Variants in DTNA observed in about 807,000 individuals in gnomAD.
The protein encoded by DTNA is dystrophin-related protein 3.
In DTNA, 43 loss-of-function variants were observed where a neutral mutation model predicts 100.7. The observed-to-expected ratio is 0.43, with a 90% CI of 0.33 to 0.55. The LOEUF (loss-of-function observed/expected upper bound fraction) is 0.55. Ranked by LOEUF, DTNA falls within the 20% of genes least tolerant of loss-of-function variation. The pLI, the probability that DTNA is intolerant of heterozygous loss-of-function variation, is 0.04. For missense variants in DTNA, 798 were observed against 953.9 expected (o/e 0.84, Z 2.15); for synonymous variants, 349 against 347.9 (o/e 1.00, Z -0.04).
At chr18:34,695,623 G>A (rs2080423702) in intron 1 of DTNA, among the ~76,000 whole-genome samples, 1 of 152,152 alleles carries the variant, frequency 6.6e-6, no homozygotes, top group Admixed American at 6.5e-5. Context: ...TTTCTAATGG[G>A]CTGGTGAAAC....
chr18:34,648,634 G>T (rs1443686011), intron 1 of DTNA, among the ~76,000 whole-genome samples: 1 of 152,220 alleles, frequency 6.6e-6, no homozygotes, highest in African/African-American at 2.4e-5. Context: ...TTTCAAGACA[G>T]TTAGTGTTGC....
intron 1 of DTNA, among the ~76,000 whole-genome samples, chr18:34,604,802 A>C (rs554019300): frequency 1.3e-5 from 2 of 152,266 alleles, no homozygotes; most frequent in East Asian, 1.9e-4. Context: ...TTTTCATTGC[A>C]CAAGAGTAAA....
At chr18:34,575,702 C>A (rs9304135) in intron 1 of DTNA, among the ~76,000 whole-genome samples, 15,583 of 152,112 alleles carry the variant, frequency 0.1, 1,172 homozygotes, top group African/African-American at 0.2. Context: ...CAAGATTATT[C>A]TGGTTTAGCT....
intron 6 of DTNA, 112 bp downstream of exon 6, chr18:34,812,225 C>A (rs1379328259): frequency 6.1e-6 from 9 of 1,466,878 alleles, no homozygotes; most frequent in Non-Finnish European, 8.4e-6. Flanking sequence ...GTGATAGCAA[C>A]CTGTATTGTA....
At chr18:34,499,004 G>C (rs1031352348) in intron 1 of DTNA, among the ~76,000 whole-genome samples, 2 of 152,118 alleles carry the variant, frequency 1.3e-5, no homozygotes, top group African/African-American at 4.8e-5. Flanking sequence ...TTCCCCAGTG[G>C]TAAATTCTTG....
chr18:34,727,604 A>G (rs1371469071), intron 1 of DTNA, among the ~76,000 whole-genome samples: 1 of 152,032 alleles, frequency 6.6e-6, no homozygotes, highest in African/African-American at 2.4e-5. Flanking sequence ...TGCTTTTGTC[A>G]CCCAGGCTGG....
intron 21 of DTNA, 58 bp from the exon 22 acceptor site, chr18:34,884,670 G>T: frequency 1.3e-6 from 2 of 1,584,808 alleles, no homozygotes; most frequent in South Asian, 2.2e-5. Flanking sequence ...TCACCAGCTT[G>T]ACTGCATCAC....
intron 1 of DTNA, among the ~76,000 whole-genome samples, chr18:34,690,408 C>T (rs2079579564): frequency 6.6e-6 from 1 of 152,214 alleles, no homozygotes; most frequent in African/African-American, 2.4e-5. Context: ...ACCTCTTGCG[C>T]TTCCCGGGTG....
intron 21 of DTNA, among the ~76,000 whole-genome samples, chr18:34,884,369 G>A (rs1480872534): frequency 6.6e-6 from 1 of 152,064 alleles, no homozygotes; most frequent in East Asian, 1.9e-4. Context: ...TTCTACTAAT[G>A]ACTTAAGATT....
intron 3 of DTNA, among the ~76,000 whole-genome samples, chr18:34,781,392 T>C (rs2094314467): frequency 6.6e-6 from 1 of 152,224 alleles, no homozygotes; most frequent in Non-Finnish European, 1.5e-5. Flanking sequence ...TTCTTTGTGA[T>C]TAGAGCATTT....
intron 1 of DTNA, among the ~76,000 whole-genome samples, chr18:34,634,450 AAGAC>A (rs1002293173): frequency 2.6e-5 from 4 of 152,178 alleles, no homozygotes; most frequent in African/African-American, 7.2e-5. Flanking sequence ...TTTAGTAAGA[AAGAC>A]AGCATGTTTT....
intron 3 of DTNA, among the ~76,000 whole-genome samples, chr18:34,778,729 C>T (rs1023863988): frequency 4.6e-5 from 7 of 152,084 alleles, no homozygotes; most frequent in Non-Finnish European, 8.8e-5. Flanking sequence ...AAAAAATGTT[C>T]GTGAAAATAA....
chr18:34,610,625 A>G (rs12970735), intron 1 of DTNA, among the ~76,000 whole-genome samples: 9,993 of 152,284 alleles, frequency 0.066, 400 homozygotes, highest in Non-Finnish European at 0.074. Context: ...TGCACACTTG[A>G]AAATGAAATA....
At chr18:34,497,426 G>A (rs1449920722) in intron 1 of DTNA, among the ~76,000 whole-genome samples, 2 of 152,182 alleles carry the variant, frequency 1.3e-5, no homozygotes, top group African/African-American at 2.4e-5. Context: ...ATTAAATGAC[G>A]TACTCTTCAC....
At chr18:34,725,695 C>G (rs2086499249) in intron 1 of DTNA, among the ~76,000 whole-genome samples, 1 of 152,178 alleles carries the variant, frequency 6.6e-6, no homozygotes, top group African/African-American at 2.4e-5. Flanking sequence ...TGTGGCGATT[C>G]CTCAAGGATC....
At chr18:34,758,066 G>A (rs945123586) in intron 2 of DTNA, among the ~76,000 whole-genome samples, 6 of 152,198 alleles carry the variant, frequency 3.9e-5, no homozygotes, top group Non-Finnish European at 7.3e-5. Flanking sequence ...ATTTTGACAG[G>A]TAGACTGTCA....
chr18:34,825,119 G>T (rs1225339323), intron 9 of DTNA: 2 of 1,073,918 alleles, frequency 1.9e-6, no homozygotes, highest in African/African-American at 1.6e-5. Context: ...TTGTAGAGAG[G>T]TGCTGCCAGT....
intron 1 of DTNA, among the ~76,000 whole-genome samples, chr18:34,648,204 G>A (rs866079256): frequency 4.1e-4 from 62 of 152,120 alleles, no homozygotes; most frequent in African/African-American, 1.4e-3. Context: ...GCAGAAGTGA[G>A]GCTAAAAAAA....
intron 3 of DTNA, among the ~76,000 whole-genome samples, chr18:34,792,494 A>G (rs57356968): frequency 0.027 from 4,056 of 152,314 alleles, 171 homozygotes; most frequent in African/African-American, 0.091. Flanking sequence ...CTTATTAGGT[A>G]TATAGCCAGG....
Sources: allele counts gnomAD v4.1 joint callset (sites outside exome capture counted in the v4.1 genomes callset), GRCh38; gene constraint gnomAD v4.1.1; transcripts MANE v1.5; gene names NCBI Gene and HGNC (gene_info 2026-07-23, HGNC 2026-07-21).